KIF13A: variants seen among roughly 807,000 people sequenced by gnomAD.
The protein encoded by KIF13A is kinesin family member 13A.
In KIF13A, 79 loss-of-function variants were observed where a neutral mutation model predicts 212.2. The observed-to-expected ratio is 0.37, with a 90% confidence interval of 0.31 to 0.45. The LOEUF (loss-of-function observed/expected upper bound fraction) is 0.45. Among genes scored for constraint, KIF13A ranks in the 20% least tolerant of loss-of-function variants. KIF13A has a pLI of 1.00. For synonymous variants in KIF13A, 789 were observed against 808.6 expected, an observed-to-expected ratio of 0.98 and a Z score of 0.41; for missense variants, 1,901 against 2,209.0, an observed-to-expected ratio of 0.86 and a Z score of 2.79.
intron 2 of KIF13A, among the ~76,000 whole-genome samples, chr6:17,973,642 C>T (rs1561823106): frequency 6.6e-6 from 1 of 152,180 alleles, no homozygotes; most frequent in Non-Finnish European, 1.5e-5. Flanking sequence ...CCCTTACAGA[C>T]TATCTAGTCC....
At chr6:17,859,660 G>A (rs1207959665) in intron 4 of KIF13A, among the ~76,000 whole-genome samples, 80 of 127,610 alleles carry the variant, frequency 6.3e-4, no homozygotes, top group Admixed American at 4.4e-3. Flanking sequence ...TTTTTGAGAC[G>A]AGTCTTGCCC....
At chr6:17,909,911 GA>G (rs1156589860) in intron 2 of KIF13A, among the ~76,000 whole-genome samples, 6 of 151,970 alleles carry the variant, frequency 3.9e-5, no homozygotes, top group East Asian at 1.9e-4. Context: ...AGAGAGTGGG[GA>G]AAAAAAACTC....
intron 2 of KIF13A, among the ~76,000 whole-genome samples, chr6:17,954,742 T>G (rs1778205733): frequency 6.6e-6 from 1 of 152,142 alleles, no homozygotes; most frequent in Admixed American, 6.5e-5. Context: ...GTTGCGACCA[T>G]AGCTCACTGT....
intron 17 of KIF13A, chr6:17,815,558 CT>C: frequency 2.4e-6 from 1 of 413,040 alleles, no homozygotes; most frequent in Middle Eastern, 3.7e-4. Context: ...TAACAGAGGG[CT>C]TACACTTGTC....
In KIF13A at chr6:17,987,354, A is replaced by T; in HGVS notation, c.55+55T>A. The T allele has an allele frequency of 8.2e-7, 1 of 1,221,840 alleles. No individual in the cohort carries two copies. The highest frequency in any genetic ancestry group is 1.1e-6 in the Non-Finnish European group (1 of 935,230). 75.7% of individuals were successfully genotyped at this position (1,221,840 alleles called of 1,614,324 possible). A position where few individuals can be genotyped will look rare whatever the true frequency, so the allele number is the denominator to read the frequency against. ...GCCGTCCCGGCCCCGCAGTTTCTAAAGTTGCCCCCGCCCTCAGCCCGAGCA... is the reference window on the plus strand; with the variant it reads ...GCCGTCCCGGCCCCGCAGTTTCTAATGTTGCCCCCGCCCTCAGCCCGAGCA... On this transcript the variant is annotated intron_variant, in intron 1 of 38. Transcript: ENST00000259711. The surrounding 1 kb of genome is among the most constrained non-coding windows in gnomAD (Gnocchi z 7.7).
chr6:17,798,429 T>G (rs529034666), intron 22 of KIF13A, among the ~76,000 whole-genome samples: 2 of 152,350 alleles, frequency 1.3e-5, no homozygotes, highest in South Asian at 2.1e-4. Context: ...AATAAAGATT[T>G]TGAGGAACAG....
chr6:17,835,195 C>CAAAAAAAAAAAAAAAAAA (rs61697144), intron 11 of KIF13A, among the ~76,000 whole-genome samples: 17 of 45,952 alleles, frequency 3.7e-4, no homozygotes, highest in South Asian at 1.1e-3. Flanking sequence ...CCGCCCCCGC[C>CAAAAAAAAAAAAAAAAAA]AAAAAAAAAA....
rs6923625 is a variant in KIF13A, at chr6:17,951,662, T to C, written c.146+35392A>G. ...CCTAGGCAACCATTAATCTACTTTCTGTCTCCACGAATATGTCTGCTCTGG... is the reference window on the plus strand; with the variant it reads ...CCTAGGCAACCATTAATCTACTTTCCGTCTCCACGAATATGTCTGCTCTGG... On this transcript the variant is annotated intron_variant, in intron 2 of 38. Transcript: ENST00000259711. The surrounding 1 kb of genome is among the most constrained non-coding windows in gnomAD (Gnocchi z 4.9). 0.8 allele frequency among the ~76,000 whole-genome samples: 121,182 copies of C among 151,756 alleles called. 48,822 individuals are homozygous for C. The highest frequency in any genetic ancestry group is 0.89 in the African/African-American group (36,868 of 41,476).
intron 2 of KIF13A, among the ~76,000 whole-genome samples, chr6:17,941,477 A>G (rs4716202): frequency 0.5 from 76,559 of 151,988 alleles, 20,807 homozygotes; most frequent in Non-Finnish European, 0.61. Context: ...TAGGAGCTTG[A>G]AAAAGGTTAA....
Position 17,773,614 on chromosome 6 carries a change from T to C in KIF13A, c.4219-31A>G. 8.5e-6 allele frequency: 11 copies of C among 1,291,456 alleles called. No homozygotes were observed. Among genetic ancestry groups the C allele is most frequent in the Non-Finnish European group, 1.2e-5 (11 of 900,394 alleles). 80.0% of individuals were successfully genotyped at this position (1,291,456 alleles called of 1,614,324 possible). A position where few individuals can be genotyped will look rare whatever the true frequency, so the allele number is the denominator to read the frequency against. Reference sequence around the variant, plus strand: ...AGGTAAAAATATGGGTTAACTGTAATTGAATCACTCCAAAATAAGAAATAA... The same window carrying C: ...AGGTAAAAATATGGGTTAACTGTAACTGAATCACTCCAAAATAAGAAATAA... On this transcript the variant is annotated intron_variant, in intron 35 of 38. Transcript: ENST00000259711. The surrounding 1 kb of genome is among the most constrained non-coding windows in gnomAD (Gnocchi z 4.2).
rs773034379 is a variant in KIF13A at position 17,919,416 on chromosome 6, C to T, written c.147-21236G>A. ...TGATCCAACATGGATTCATATTCAA[C>T]TTAGGGAAACAAACTAGCAGATTAT... is the stretch of plus-strand genomic sequence containing the variant. On this transcript the variant is annotated intron_variant, in intron 2 of 38. Transcript: ENST00000259711. This position sits in a 1 kb window ranked among gnomAD's most constrained non-coding sequence, Gnocchi z 4.1. 6.6e-6 allele frequency among the ~76,000 whole-genome samples: 1 copy of T among 152,204 alleles called. No individual in the cohort carries two copies. The highest frequency in any genetic ancestry group is 2.4e-5 in the African/African-American group (1 of 41,438).
chr6:17,972,833 GAA>G (rs34095609), intron 2 of KIF13A, among the ~76,000 whole-genome samples: 27,553 of 113,428 alleles, frequency 0.24, 3,083 homozygotes, highest in African/African-American at 0.39. Flanking sequence ...GAGAGAGTGA[GAA>G]AAAAAAAAAA....
At chr6:17,950,495 T>C (rs1204997902) in intron 2 of KIF13A, 11 of 985,214 alleles carry the variant, frequency 1.1e-5, no homozygotes, top group Non-Finnish European at 1.2e-5. Context: ...TTACACTCTT[T>C]AGGACCAACA....
In KIF13A at chr6:17,773,471, C is replaced by T. The variant is rs920365872; in HGVS notation, c.4324+7G>A. The T allele has an allele frequency of 4.4e-5, 66 of 1,508,834 alleles. No homozygotes were observed. The highest frequency in any genetic ancestry group is 5.8e-5 in the Non-Finnish European group (63 of 1,086,626). 93.5% of individuals were successfully genotyped at this position (1,508,834 alleles called of 1,614,324 possible). A position where few individuals can be genotyped will look rare whatever the true frequency, so the allele number is the denominator to read the frequency against. ...GAAATATCACTGCAAAATAATCTCA[C>T]CACTACCTTCTTTATTCCTTCGAGG... On this transcript the variant is annotated splice_region_variant and intron_variant, in intron 36 of 38. Coordinates refer to ENST00000259711, the MANE Select transcript of KIF13A (RefSeq NM_022113.6). This position sits in a 1 kb window ranked among gnomAD's most constrained non-coding sequence, Gnocchi z 4.2.
intron 4 of KIF13A, among the ~76,000 whole-genome samples, chr6:17,866,755 G>A: frequency 6.7e-6 from 1 of 149,798 alleles, no homozygotes. Context: ...GACAAAGAAA[G>A]GGAGGTATTG....
intron 20 of KIF13A, among the ~76,000 whole-genome samples, chr6:17,801,066 T>C (rs530182558): frequency 1.3e-4 from 20 of 152,114 alleles, no homozygotes; most frequent in Admixed American, 6.5e-4. Context: ...ACTCACCTAT[T>C]CATGTGAGTG....
At position 17,781,256 on chromosome 6, in the gene KIF13A, G is replaced by T. The variant is rs1760547269; in HGVS notation, c.3590C>A (p.Ser1197Tyr). 1 of 1,613,434 alleles carries T rather than the reference G, an allele frequency of 6.2e-7. No homozygotes were observed. The highest frequency in any genetic ancestry group is 8.5e-7 in the Non-Finnish European group (1 of 1,179,688). The change falls in exon 30 of 39, where the codon TCC becomes TAC. Residue 1197 changes from serine (S) to tyrosine (Y), a missense_variant. By Grantham distance (144) the Ser-to-Tyr change is moderately radical. Coordinates refer to ENST00000259711, the MANE Select transcript of KIF13A (RefSeq NM_022113.6). The part of the protein sequence containing the change: ...ANEQLVGPHA[S>Y]GVNSILPKEH... ...CTTGGGCAGGATGGAGTTCACGCCG[G>T]ATGCATGGGGGCCAACAAGCTGCTC... is the stretch of plus-strand genomic sequence containing the variant.
At chr6:17,804,246 T>G (rs1479051338) in intron 20 of KIF13A, 115 bp downstream of exon 20, 5 of 871,444 alleles carry the variant, frequency 5.7e-6, no homozygotes, top group Middle Eastern at 2.4e-4. Context: ...CCTTGACTAT[T>G]TGCCTTAGTT....
chr6:17,780,637 A>C, intron 31 of KIF13A, 93 bp downstream of exon 31: 1 of 1,226,296 alleles, frequency 8.2e-7, no homozygotes. Flanking sequence ...TGTTTTGCAC[A>C]TCACAGCACC....
Sources: gnomAD v4.1 joint callset for allele counts (sites outside exome capture counted in the v4.1 genomes callset) on GRCh38, gnomAD v4.1.1 for gene constraint, Gnocchi (gnomAD v3.1) non-coding constraint, MANE v1.5 for transcripts, NCBI Gene and HGNC (gene_info 2026-07-23, HGNC 2026-07-21) for gene names.